The following RGS7 variants were observed in gnomAD, a reference collection of about 807,000 sequenced individuals.
RGS7 encodes the protein regulator of G protein signaling 7.
In RGS7, 27 loss-of-function variants were observed where a neutral mutation model predicts 81.1. That is an observed-to-expected ratio of 0.33 (90% CI 0.25 to 0.46). The LOEUF is 0.46. RGS7 is among the 20% of genes least tolerant of loss of function. RGS7 has a pLI of 1.00. For synonymous variants in RGS7, 208 were observed against 207.7 expected, an observed-to-expected ratio of 1.00 and a Z score of -0.01; for missense variants, 396 against 607.4, an observed-to-expected ratio of 0.65 and a Z score of 3.66.
At chr1:241,253,901 G>C (rs1182497192) in intron 2 of RGS7, among the ~76,000 whole-genome samples, 1 of 152,182 alleles carries the variant, frequency 6.6e-6, no homozygotes, top group Non-Finnish European at 1.5e-5. Flanking sequence ...TCCCATTCTA[G>C]AAGGACAGTG....
intron 2 of RGS7, among the ~76,000 whole-genome samples, chr1:241,273,407 G>C (rs2078030705): frequency 6.6e-6 from 1 of 151,784 alleles, no homozygotes; most frequent in Non-Finnish European, 1.5e-5. Flanking sequence ...CTAAGCTCTG[G>C]AAATCTCTAT....
intron 6 of RGS7, among the ~76,000 whole-genome samples, chr1:240,881,269 T>C (rs1347183896): frequency 6.6e-6 from 1 of 150,550 alleles, no homozygotes; most frequent in East Asian, 2.0e-4. Context: ...AAACACAGCA[T>C]GTTCTCACTC....
chr1:241,128,343 G>A (rs2066830355), intron 2 of RGS7, among the ~76,000 whole-genome samples: 2 of 151,458 alleles, frequency 1.3e-5, no homozygotes, highest in Non-Finnish European at 2.9e-5. Context: ...CAGCACTTTG[G>A]GAGGCCAAGG....
intron 3 of RGS7, among the ~76,000 whole-genome samples, chr1:241,026,474 A>G (rs1252234060): frequency 2.6e-5 from 4 of 152,072 alleles, no homozygotes; most frequent in Non-Finnish European, 5.9e-5. Context: ...CTGTAATTCC[A>G]GCTACTCGGG....
intron 6 of RGS7, among the ~76,000 whole-genome samples, chr1:240,872,951 C>T (rs1031898317): frequency 3.9e-5 from 6 of 151,942 alleles, no homozygotes; most frequent in African/African-American, 1.2e-4. Context: ...TGGTGGCAGG[C>T]GCCTGTAGTC....
chr1:241,272,033 G>A (rs185601494), intron 2 of RGS7, among the ~76,000 whole-genome samples: 204 of 146,080 alleles, frequency 1.4e-3, no homozygotes, highest in African/African-American at 4.7e-3. Context: ...TCACTCTGTC[G>A]CACAGGCTGG....
At chr1:240,978,186 C>G (rs940500393) in intron 4 of RGS7, among the ~76,000 whole-genome samples, 3 of 152,196 alleles carry the variant, frequency 2.0e-5, no homozygotes, top group African/African-American at 7.2e-5. Flanking sequence ...TCCACCCTGT[C>G]AATAACTGAA....
chr1:241,351,605 T>C (rs1006483785), intron 2 of RGS7, among the ~76,000 whole-genome samples: 7 of 152,140 alleles, frequency 4.6e-5, no homozygotes, highest in Non-Finnish European at 7.4e-5. Flanking sequence ...AAATAAACAG[T>C]GCAAATTATG....
intron 18 of RGS7, among the ~76,000 whole-genome samples, chr1:240,781,044 AAC>A (rs1683967478): frequency 1.3e-5 from 2 of 152,070 alleles, no homozygotes; most frequent in African/African-American, 4.8e-5. Flanking sequence ...AAAAAAAAAA[AAC>A]ATGGTTCTCT....
chr1:241,242,306 G>GTAGACAGATAGATAGA (rs372439369), intron 2 of RGS7, among the ~76,000 whole-genome samples: 4 of 147,442 alleles, frequency 2.7e-5, no homozygotes, highest in African/African-American at 1.0e-4. Flanking sequence ...CTATGGATGA[G>GTAGACAGATAGATAGA]TAGATAGATA....
At chr1:241,063,238 A>T (rs1235712510) in intron 3 of RGS7, among the ~76,000 whole-genome samples, 1 of 152,216 alleles carries the variant, frequency 6.6e-6, no homozygotes, top group Non-Finnish European at 1.5e-5. Flanking sequence ...CAAAAAGAAA[A>T]ATAGGAGTTC....
intron 6 of RGS7, among the ~76,000 whole-genome samples, chr1:240,925,310 T>C (rs1338344276): frequency 1.3e-5 from 2 of 152,074 alleles, no homozygotes; most frequent in East Asian, 3.9e-4. Context: ...CCAGCGTCTA[T>C]TGTTCTCATC....
chr1:241,154,646 C>T (rs770910292), intron 2 of RGS7, among the ~76,000 whole-genome samples: 5 of 152,256 alleles, frequency 3.3e-5, no homozygotes, highest in African/African-American at 9.6e-5. Flanking sequence ...ATTGCAGGTG[C>T]GAGATAATTA....
At chr1:241,140,114 C>T (rs1262996491) in intron 2 of RGS7, among the ~76,000 whole-genome samples, 1 of 152,190 alleles carries the variant, frequency 6.6e-6, no homozygotes, top group African/African-American at 2.4e-5. Flanking sequence ...TACCAGGATC[C>T]CTTGTGTCTG....
At position 241,271,945 on chromosome 1, in the gene RGS7, G is replaced by T. The variant is rs530561598; in HGVS notation, c.78+83754C>A. On this transcript the variant is annotated intron_variant, in intron 2 of 18. Coordinates refer to ENST00000440928, the MANE Select transcript of RGS7 (RefSeq NM_001364886.1). This position sits in a 1 kb window ranked among gnomAD's most constrained non-coding sequence, Gnocchi z 4.6. ...TGTGTGTGTGTGTAGACACACTATT[G>T]GTTCTGTTTCTCTGGAGAACCCTGA... Among the ~76,000 whole-genome samples, 330 of 145,964 alleles carry T rather than the reference G, an allele frequency of 2.3e-3. 3 individuals are homozygous for T. Among genetic ancestry groups the T allele is most frequent in the African/African-American group, 7.8e-3 (308 of 39,372 alleles).
intron 3 of RGS7, among the ~76,000 whole-genome samples, chr1:241,094,148 C>T (rs773008315): frequency 6.6e-6 from 1 of 152,082 alleles, no homozygotes; most frequent in Non-Finnish European, 1.5e-5. Context: ...CTTCACTGTT[C>T]TCAACTGCAG....
At chr1:240,996,367 C>A (rs944285227) in intron 3 of RGS7, among the ~76,000 whole-genome samples, 1 of 152,154 alleles carries the variant, frequency 6.6e-6, no homozygotes, top group Non-Finnish European at 1.5e-5. Context: ...CCTGCTTGAT[C>A]TATGGATCTA....
chr1:241,279,923 T>C (rs186284187), intron 2 of RGS7, among the ~76,000 whole-genome samples: 183 of 152,246 alleles, frequency 1.2e-3, no homozygotes, highest in African/African-American at 4.2e-3. Flanking sequence ...TGGTATTCTA[T>C]GGGAAGGAGG....
chr1:240,999,393 C>A (rs1480709773), intron 3 of RGS7, among the ~76,000 whole-genome samples: 1 of 151,952 alleles, frequency 6.6e-6, no homozygotes, highest in Non-Finnish European at 1.5e-5. Context: ...AAACAACCAA[C>A]CTCATAATGT....
Sources: allele counts gnomAD v4.1 joint callset (sites outside exome capture counted in the v4.1 genomes callset), GRCh38; gene constraint gnomAD v4.1.1; non-coding constraint Gnocchi (gnomAD v3.1); transcripts MANE v1.5; gene names NCBI Gene and HGNC (gene_info 2026-07-23, HGNC 2026-07-21).